Variants in SPOCK1 observed in about 807,000 individuals in gnomAD.
SPOCK1 encodes the protein SPARC (osteonectin), cwcv and kazal like domains proteoglycan 1.
A neutral mutation model predicts 55.3 loss-of-function variants in SPOCK1; 23 were observed. That is an observed-to-expected ratio of 0.42 (90% CI 0.30 to 0.59). The LOEUF is 0.59. SPOCK1 is among the 20% of genes least tolerant of loss of function. The probability of loss-of-function intolerance (pLI) is 0.22; values close to 1 mark genes in which losing one functional copy is unlikely to be tolerated. For synonymous variants in SPOCK1, 226 were observed against 221.0 expected, an observed-to-expected ratio of 1.02 and a Z score of -0.20; for missense variants, 499 against 552.5, an observed-to-expected ratio of 0.90 and a Z score of 0.97.
At chr5:137,467,049 G>A (rs542552689) in intron 2 of SPOCK1, among the ~76,000 whole-genome samples, 43 of 152,320 alleles carry the variant, frequency 2.8e-4, no homozygotes, top group African/African-American at 5.1e-4. Flanking sequence ...TCAGCTCCTC[G>A]CTGGCTGGCA....
rs147682554 is a variant in SPOCK1 at position 137,254,212 on chromosome 5, A to C, written c.232+12798T>G. Among the ~76,000 whole-genome samples, 966 of 152,288 alleles carry C rather than the reference A, an allele frequency of 6.3e-3. 6 individuals carry two copies. Among genetic ancestry groups the C allele is most frequent in the African/African-American group, 0.022 (908 of 41,556 alleles). The stretch of plus-strand genomic sequence containing the variant: ...CCCAAGGGTATATTTTTCTCCTACA[A>C]ATAATTTTATCTTAGCAGGGTCACC... On this transcript the variant is annotated intron_variant, in intron 3 of 10. Coordinates refer to ENST00000394945, the MANE Select transcript of SPOCK1 (RefSeq NM_004598.4).
At chr5:137,152,786 T>C (rs1379348761) in intron 3 of SPOCK1, among the ~76,000 whole-genome samples, 1 of 152,210 alleles carries the variant, frequency 6.6e-6, no homozygotes, top group Non-Finnish European at 1.5e-5. Flanking sequence ...ATATTTACCC[T>C]GCCTTAATTT....
chr5:137,150,323 C>T (rs150481619), intron 3 of SPOCK1, among the ~76,000 whole-genome samples: 1,594 of 152,282 alleles, frequency 0.01, 25 homozygotes, highest in African/African-American at 0.035. Flanking sequence ...TCTGCCTTGT[C>T]TCTACCCACA....
intron 9 of SPOCK1, among the ~76,000 whole-genome samples, chr5:136,982,521 A>T (rs1459189144): frequency 6.6e-6 from 1 of 152,178 alleles, no homozygotes; most frequent in Non-Finnish European, 1.5e-5. Context: ...GGTTTAAAAC[A>T]TATATTCTAA....
At chr5:137,177,911 T>C (rs1754888237) in intron 3 of SPOCK1, among the ~76,000 whole-genome samples, 1 of 151,992 alleles carries the variant, frequency 6.6e-6, no homozygotes, top group Admixed American at 6.6e-5. Context: ...TGCCCTCCTG[T>C]CCTAAATAGA....
intron 4 of SPOCK1, among the ~76,000 whole-genome samples, chr5:137,112,866 A>T (rs1322076199): frequency 6.7e-6 from 1 of 148,408 alleles, no homozygotes; most frequent in African/African-American, 2.5e-5. Flanking sequence ...AAAAACGGTG[A>T]GGGAATATGG....
intron 2 of SPOCK1, among the ~76,000 whole-genome samples, chr5:137,381,569 C>T (rs192174123): frequency 7.4e-4 from 112 of 152,296 alleles, no homozygotes; most frequent in Non-Finnish European, 1.4e-3. Context: ...ACCCACAAGC[C>T]CAACACCACA....
intron 2 of SPOCK1, among the ~76,000 whole-genome samples, chr5:137,437,251 AG>A (rs1752884513): frequency 6.7e-5 from 1 of 15,010 alleles, no homozygotes; most frequent in African/African-American, 8.8e-5. Context: ...AGTTTGGGAC[AG>A]AAATGACTAG....
intron 5 of SPOCK1, among the ~76,000 whole-genome samples, chr5:137,081,607 G>T (rs148979515): frequency 5.8e-4 from 89 of 152,246 alleles, no homozygotes; most frequent in African/African-American, 2.0e-3. Context: ...TAAAGCCTGC[G>T]TATGTCCATA....
intron 3 of SPOCK1, among the ~76,000 whole-genome samples, chr5:137,219,683 C>T (rs186238810): frequency 8.5e-5 from 13 of 152,318 alleles, no homozygotes; most frequent in Admixed American, 7.2e-4. Context: ...TGCCTTTGCC[C>T]AATGTTCTAG....
chr5:137,352,521 C>T (rs989759935), intron 2 of SPOCK1, among the ~76,000 whole-genome samples: 2 of 152,136 alleles, frequency 1.3e-5, no homozygotes, highest in African/African-American at 4.8e-5. Flanking sequence ...TATGACTGTC[C>T]TTCCCTGGAA....
chr5:136,979,807 A>G (rs998965096), intron 9 of SPOCK1, among the ~76,000 whole-genome samples: 3 of 152,200 alleles, frequency 2.0e-5, no homozygotes, highest in Non-Finnish European at 2.9e-5. Flanking sequence ...CAACTCTAAG[A>G]GATACATACC....
At chr5:137,270,622 C>T (rs921452406) in intron 2 of SPOCK1, among the ~76,000 whole-genome samples, 1 of 152,172 alleles carries the variant, frequency 6.6e-6, no homozygotes, top group Non-Finnish European at 1.5e-5. Flanking sequence ...CTGAAAGACC[C>T]TGTAAATGTA....
chr5:137,415,859 A>C (rs764396967), intron 2 of SPOCK1, among the ~76,000 whole-genome samples: 1 of 152,174 alleles, frequency 6.6e-6, no homozygotes. Context: ...CTGAGAAATC[A>C]TATCTTCCTA....
intron 2 of SPOCK1, among the ~76,000 whole-genome samples, chr5:137,305,731 C>A (rs1255730477): frequency 1.3e-5 from 2 of 152,196 alleles, no homozygotes; most frequent in Admixed American, 1.3e-4. Flanking sequence ...AACTCCAGTT[C>A]CTCCGTGCAA....
At chr5:137,424,537 C>A (rs1752567308) in intron 2 of SPOCK1, among the ~76,000 whole-genome samples, 1 of 152,188 alleles carries the variant, frequency 6.6e-6, no homozygotes, top group Admixed American at 6.5e-5. Flanking sequence ...ATGCTCACGG[C>A]AAACAAAAGC....
chr5:137,053,757 G>A (rs1250247656), intron 6 of SPOCK1, among the ~76,000 whole-genome samples: 1 of 152,082 alleles, frequency 6.6e-6, no homozygotes, highest in Non-Finnish European at 1.5e-5. Context: ...CACAGCACAA[G>A]CTCTGCCTGT....
intron 3 of SPOCK1, among the ~76,000 whole-genome samples, chr5:137,196,060 C>T (rs921162020): frequency 2.0e-5 from 3 of 152,142 alleles, no homozygotes; most frequent in Admixed American, 6.5e-5. Context: ...CAGGGCAATG[C>T]GAAATGCTGT....
intron 2 of SPOCK1, among the ~76,000 whole-genome samples, chr5:137,490,121 A>G (rs1259259425): frequency 6.6e-6 from 1 of 152,340 alleles, no homozygotes; most frequent in East Asian, 1.9e-4. Flanking sequence ...GCATTTGAAG[A>G]ACATTTGTGT....
Sources: gnomAD v4.1 joint callset for allele counts (sites outside exome capture counted in the v4.1 genomes callset) on GRCh38, gnomAD v4.1.1 for gene constraint, MANE v1.5 for transcripts, NCBI Gene and HGNC (gene_info 2026-07-23, HGNC 2026-07-21) for gene names.